The following SHQ1 variants were observed in gnomAD, a reference collection of about 807,000 sequenced individuals.
SHQ1 encodes SHQ1, H/ACA ribonucleoprotein assembly factor.
In SHQ1, 49 loss-of-function variants were observed where a neutral mutation model predicts 53.8. The ratio of observed to expected loss-of-function variants is 0.91; its 90% CI spans 0.72 to 1.16. SHQ1 has a LOEUF of 1.16. Ranked by LOEUF, SHQ1 falls within the 50% of genes most tolerant of loss-of-function variation. SHQ1 has a pLI of 0.00. For synonymous variants in SHQ1, 243 were observed against 251.0 expected, an observed-to-expected ratio of 0.97 and a Z score of 0.30; for missense variants, 738 against 683.1, an observed-to-expected ratio of 1.08 and a Z score of -0.90.
chr3:72,797,129 G>T (rs181963771), intron 9 of SHQ1, among the ~76,000 whole-genome samples: 232 of 151,810 alleles, frequency 1.5e-3, no homozygotes, highest in African/African-American at 5.5e-3. Flanking sequence ...ATGATAGCAG[G>T]TGCCTGTAGC....
At chr3:72,726,394 A>T in the SHQ1 span, among the ~76,000 whole-genome samples, 3 of 151,826 alleles carry the variant, frequency 2.0e-5, no homozygotes, top group African/African-American at 7.3e-5. Flanking sequence ...TCTGTCGCCC[A>T]GGTTGAGATC....
In SHQ1 at chr3:72,825,361, T is replaced by TACACACACACACACAC. The variant is rs61048915; in HGVS notation, c.600-826_600-811dup. ...TCTCCACAAAGAGGCTAAAAGGGGC[T>TACACACACACACACAC]ACACACACACACACACACACACACA... On this transcript the variant is annotated intron_variant, in intron 5 of 10. Transcript: ENST00000325599. Among the ~76,000 whole-genome samples, 532 of 141,940 alleles carry TACACACACACACACAC rather than the reference T, an allele frequency of 3.7e-3. 3 individuals carry two copies. The highest frequency in any genetic ancestry group is 0.013 in the African/African-American group (518 of 38,616). 93.1% of individuals were successfully genotyped at this position (141,940 alleles called of 152,430 possible). A position where few individuals can be genotyped will look rare whatever the true frequency, so the allele number is the denominator to read the frequency against.
At chr3:72,800,167 A>G (rs553332837) in intron 9 of SHQ1, among the ~76,000 whole-genome samples, 7 of 152,212 alleles carry the variant, frequency 4.6e-5, no homozygotes, top group Non-Finnish European at 1.0e-4. Flanking sequence ...CCTTCTCACC[A>G]TGTGATACCC....
downstream of SHQ1, among the ~76,000 whole-genome samples, chr3:72,744,933 G>C (rs1232078790): frequency 1.4e-5 from 2 of 143,948 alleles, no homozygotes; most frequent in African/African-American, 2.5e-5. Context: ...TGGGGGGGGG[G>C]GGTGGTTTCT....
At chr3:72,767,943 T>TATA (rs990665825) in intron 10 of SHQ1, among the ~76,000 whole-genome samples, 7 of 152,162 alleles carry the variant, frequency 4.6e-5, no homozygotes, top group Admixed American at 1.3e-4. Flanking sequence ...GGGCGGGAGA[T>TATA]ATAAGTGCTT....
chr3:72,782,311 T>C (rs1706095092), intron 10 of SHQ1, among the ~76,000 whole-genome samples: 1 of 152,228 alleles, frequency 6.6e-6, no homozygotes, highest in African/African-American at 2.4e-5. Flanking sequence ...ATCTATGTTT[T>C]CTTAAGCAAA....
Position 72,797,840 on chromosome 3 carries a change from C to T in SHQ1, c.1061-4804G>A, listed in dbSNP as rs1007033214. On this transcript the variant is annotated intron_variant, in intron 9 of 10. Transcript: ENST00000325599. ...ATCTCTTTTGTTCCGACTATGTCAC[C>T]GTAGATGACTACAGCATCACAGCCA... 3.9e-5 allele frequency among the ~76,000 whole-genome samples: 6 copies of T among 152,280 alleles called. No individual in the cohort carries two copies. In the East Asian group the frequency reaches 1.2e-3, roughly 29 times the overall value.
At chr3:72,771,986 C>T (rs924013205) in intron 10 of SHQ1, among the ~76,000 whole-genome samples, 6 of 152,044 alleles carry the variant, frequency 3.9e-5, no homozygotes, top group Non-Finnish European at 5.9e-5. Flanking sequence ...TAAGCAATCA[C>T]ACAGCAGCGA....
At chr3:72,754,926 A>G (rs1170807774) in intron 10 of SHQ1, among the ~76,000 whole-genome samples, 1 of 152,250 alleles carries the variant, frequency 6.6e-6, no homozygotes, top group Non-Finnish European at 1.5e-5. Flanking sequence ...AAACATGCCA[A>G]TTCTCAAGTT....
intron 10 of SHQ1, among the ~76,000 whole-genome samples, chr3:72,791,157 T>C (rs538360142): frequency 6.6e-6 from 1 of 152,280 alleles, no homozygotes; most frequent in African/African-American, 2.4e-5. Flanking sequence ...TCAATATTCA[T>C]TACATGTTTA....
At chr3:72,820,628 G>T (rs1707447616) in intron 6 of SHQ1, among the ~76,000 whole-genome samples, 1 of 152,206 alleles carries the variant, frequency 6.6e-6, no homozygotes, top group Non-Finnish European at 1.5e-5. Context: ...AATAACTACA[G>T]ATGCAGTGCC....
intron 9 of SHQ1, among the ~76,000 whole-genome samples, chr3:72,805,836 T>C (rs1706925212): frequency 6.6e-6 from 1 of 152,134 alleles, no homozygotes; most frequent in Non-Finnish European, 1.5e-5. Context: ...TAAAAGGCAA[T>C]TTATTATTTG....
chr3:72,756,437 G>A (rs920190690), intron 10 of SHQ1, among the ~76,000 whole-genome samples: 19 of 151,806 alleles, frequency 1.3e-4, no homozygotes, highest in African/African-American at 3.9e-4. Context: ...CACCACGCCC[G>A]GCTAATTTTT....
chr3:72,749,552 G>T lies in SHQ1; in HGVS notation c.*732C>A, dbSNP rs1461841246. 9.1e-6 allele frequency: 2 copies of T among 220,826 alleles called. No individual in the cohort carries two copies. Among genetic ancestry groups the T allele is most frequent in the Non-Finnish European group, 1.8e-5 (2 of 110,358 alleles). 13.7% of individuals were successfully genotyped at this position (220,826 alleles called of 1,614,324 possible). Reference sequence around the variant, plus strand: ...ATGCAAACTAATAACAGGGCACAAGGGCACTTGGGAATGATGGGTCCGTTC... The same window carrying T: ...ATGCAAACTAATAACAGGGCACAAGTGCACTTGGGAATGATGGGTCCGTTC... On this transcript the variant is annotated 3_prime_UTR_variant, in exon 11 of 11. Coordinates refer to ENST00000325599, the MANE Select transcript of SHQ1 (RefSeq NM_018130.3).
At chr3:72,834,314 A>C (rs1023681713) in intron 4 of SHQ1, among the ~76,000 whole-genome samples, 24 of 152,230 alleles carry the variant, frequency 1.6e-4, no homozygotes, top group African/African-American at 5.8e-4. Context: ...GGATCACCTG[A>C]GGTCAGGAGT....
chr3:72,727,278 C>G, the SHQ1 span, among the ~76,000 whole-genome samples: 3 of 152,178 alleles, frequency 2.0e-5, no homozygotes, highest in African/African-American at 7.2e-5. Context: ...AAACCATACA[C>G]AAACATGGCT....
intron 10 of SHQ1, chr3:72,753,594 T>C: frequency 1.0e-6 from 1 of 985,242 alleles, no homozygotes; most frequent in Non-Finnish European, 1.2e-6. Context: ...GTCACCATCG[T>C]TGATGGGTAG....
At chr3:72,800,461 AAG>A (rs1310933395) in intron 9 of SHQ1, among the ~76,000 whole-genome samples, 126 of 152,366 alleles carry the variant, frequency 8.3e-4, no homozygotes, top group African/African-American at 3.0e-3. Context: ...GCAGTTGGCC[AAG>A]ATCACAGCTA....
chr3:72,795,612 CTCT>C (rs1706584857), intron 9 of SHQ1: 1 of 152,196 alleles, frequency 6.6e-6, no homozygotes, highest in African/African-American at 2.4e-5. Context: ...CCTTCTCTCT[CTCT>C]TTTTAGAGGA....
Sources: allele counts gnomAD v4.1 joint callset (sites outside exome capture counted in the v4.1 genomes callset), GRCh38; gene constraint gnomAD v4.1.1; transcripts MANE v1.5; gene names NCBI Gene and HGNC (gene_info 2026-07-23, HGNC 2026-07-21).